Variants in LDLRAD4 observed in about 807,000 individuals in gnomAD.
LDLRAD4 encodes low density lipoprotein receptor class A domain containing 4, also known as low-density lipoprotein receptor class A domain-containing protein 4.
LDLRAD4 carries 5 observed loss-of-function variants against 17.0 expected under a neutral mutation model. That is an observed-to-expected ratio of 0.29 (90% CI 0.15 to 0.62). The LOEUF (loss-of-function observed/expected upper bound fraction) is 0.62, where lower values mean the gene tolerates loss of function less well. LDLRAD4 is among the 20% of genes least tolerant of loss of function. The probability of loss-of-function intolerance (pLI) is 0.84; values close to 1 mark genes in which losing one functional copy is unlikely to be tolerated. For synonymous variants in LDLRAD4, 168 were observed against 171.8 expected (o/e 0.98, Z 0.17); for missense variants, 340 against 424.7 (o/e 0.80, Z 1.75).
intron 3 of LDLRAD4, among the ~76,000 whole-genome samples, chr18:13,564,205 A>AT (rs1381712191): frequency 3.3e-5 from 5 of 152,166 alleles, no homozygotes; most frequent in Non-Finnish European, 7.3e-5. Context: ...AAACTCCCAG[A>AT]TTCTCTCCCT....
At chr18:13,565,539 TCA>T (rs1192332278) in intron 3 of LDLRAD4, among the ~76,000 whole-genome samples, 1 of 152,252 alleles carries the variant, frequency 6.6e-6, no homozygotes, top group Non-Finnish European at 1.5e-5. Context: ...TGAGCCGCCC[TCA>T]CAGCTGGACC....
intron 1 of LDLRAD4, among the ~76,000 whole-genome samples, chr18:13,236,249 A>G (rs2145592272): frequency 6.6e-6 from 1 of 150,606 alleles, no homozygotes; most frequent in East Asian, 2.0e-4. Flanking sequence ...ACAGAGAAGC[A>G]CTGTTCCATC....
intron 1 of LDLRAD4, among the ~76,000 whole-genome samples, chr18:13,264,849 G>A (rs1476437827): frequency 6.6e-6 from 1 of 152,236 alleles, no homozygotes; most frequent in Non-Finnish European, 1.5e-5. Flanking sequence ...TTTCATAAAA[G>A]CGTTTCAAGT....
Position 13,230,090 on chromosome 18 carries a change from C to T in LDLRAD4, c.-467+11102C>T, listed in dbSNP as rs1399345392. ...GGATTAGGTCACGAGGCTTCTCCCTCATGTGTGGGATTAGTGCCTTTATAA... is the reference window on the plus strand; with the variant it reads ...GGATTAGGTCACGAGGCTTCTCCCTTATGTGTGGGATTAGTGCCTTTATAA... On this transcript the variant is annotated intron_variant, in intron 1 of 5. Coordinates refer to the LDLRAD4 transcript ENST00000399848. Among the ~76,000 whole-genome samples, 18 of 152,216 alleles carry T rather than the reference C, an allele frequency of 1.2e-4. 1 individual carries two copies. Among genetic ancestry groups the T allele is most frequent in the Admixed American group, 1.1e-3 (17 of 15,288 alleles).
intron 3 of LDLRAD4, among the ~76,000 whole-genome samples, chr18:13,546,196 A>T (rs1443210353): frequency 6.6e-6 from 1 of 152,004 alleles, no homozygotes; most frequent in Admixed American, 6.5e-5. Flanking sequence ...TTCAGCCTGG[A>T]CCCAATGGCT....
At chr18:13,625,088 C>T (rs562900837) in intron 4 of LDLRAD4, among the ~76,000 whole-genome samples, 13 of 152,334 alleles carry the variant, frequency 8.5e-5, no homozygotes, top group African/African-American at 2.9e-4. Context: ...GATGCTCCTC[C>T]TGTCCCCTCT....
In LDLRAD4 at chr18:13,535,210, G is replaced by A. The variant is rs772561238; in HGVS notation, c.182-85907G>A. Among the ~76,000 whole-genome samples, 29 of 152,140 alleles carry A rather than the reference G, an allele frequency of 1.9e-4. 1 individual carries two copies. Among genetic ancestry groups the A allele is most frequent in the African/African-American group, 7.2e-5 (3 of 41,414 alleles). On this transcript the variant is annotated intron_variant, in intron 3 of 5. Coordinates refer to ENST00000359446, the Ensembl canonical transcript of LDLRAD4. Reference sequence around the variant, plus strand: ...TTAAATACCTGAGAGTTGACTGGCCGGGTTATATGTGTTTAATTTAATGGG... The same window carrying A: ...TTAAATACCTGAGAGTTGACTGGCCAGGTTATATGTGTTTAATTTAATGGG...
At position 13,573,452 on chromosome 18, in the gene LDLRAD4, C is replaced by G. The variant is rs113689652; in HGVS notation, c.182-47665C>G. Among the ~76,000 whole-genome samples the G allele has an allele frequency of 6.2e-3, 890 of 144,340 alleles. 1 individual carries two copies. The highest frequency in any genetic ancestry group is 0.02 in the Middle Eastern group (5 of 250). The allele number at this position is 144,340 out of a possible 152,430, so 94.7% of individuals were successfully genotyped here. A position where few individuals can be genotyped will look rare whatever the true frequency, so the allele number is the denominator to read the frequency against. On this transcript the variant is annotated intron_variant, in intron 3 of 5. Coordinates refer to ENST00000359446, the Ensembl canonical transcript of LDLRAD4. ...ATGAAGTTTTGCCTTGTAGGCCAGG[C>G]TGGTCTCGAACTCCTGGCCTCAGGT...
At chr18:13,286,917 G>T (rs2045656858) in intron 1 of LDLRAD4, among the ~76,000 whole-genome samples, 1 of 152,188 alleles carries the variant, frequency 6.6e-6, no homozygotes. Flanking sequence ...AAGGTGGATT[G>T]CAGAGTGACT....
At chr18:13,382,881 T>C (rs1461415364) in intron 1 of LDLRAD4, among the ~76,000 whole-genome samples, 1 of 152,278 alleles carries the variant, frequency 6.6e-6, no homozygotes, top group Non-Finnish European at 1.5e-5. Flanking sequence ...CTGCCAGTGT[T>C]GGGCGCAGTT....
intron 3 of LDLRAD4, among the ~76,000 whole-genome samples, chr18:13,462,462 G>C (rs2092465933): frequency 6.6e-6 from 1 of 152,174 alleles, no homozygotes; most frequent in Non-Finnish European, 1.5e-5. Context: ...TAGGGGGCTG[G>C]TTTTCAGGAT....
At chr18:13,231,475 G>T (rs1013458215) in intron 1 of LDLRAD4, among the ~76,000 whole-genome samples, 2 of 152,076 alleles carry the variant, frequency 1.3e-5, no homozygotes, top group African/African-American at 2.4e-5. Flanking sequence ...TCCCATCTTT[G>T]TCGAAAACCA....
chr18:13,490,895 C>A (rs1253651545), intron 3 of LDLRAD4, among the ~76,000 whole-genome samples: 5 of 152,200 alleles, frequency 3.3e-5, no homozygotes, highest in Admixed American at 3.3e-4. Context: ...GCTTCTGCAC[C>A]CCCTGTCCCC....
chr18:13,319,998 TG>T (rs2081133145), intron 1 of LDLRAD4, among the ~76,000 whole-genome samples: 1 of 152,202 alleles, frequency 6.6e-6, no homozygotes, highest in Non-Finnish European at 1.5e-5. Flanking sequence ...CAAAAAACTA[TG>T]TGTGGCCTAT....
intron 3 of LDLRAD4, among the ~76,000 whole-genome samples, chr18:13,477,930 C>T (rs1434752487): frequency 2.6e-5 from 4 of 152,146 alleles, no homozygotes; most frequent in Admixed American, 6.5e-5. Context: ...GTCCCGGGCT[C>T]GGATAATGCA....
chr18:13,288,473 C>CT (rs1194037307), intron 1 of LDLRAD4, among the ~76,000 whole-genome samples: 6 of 152,182 alleles, frequency 3.9e-5, no homozygotes, highest in African/African-American at 1.4e-4. Context: ...ACAACTTTGG[C>CT]TATTTCAAGT....
intron 3 of LDLRAD4, among the ~76,000 whole-genome samples, chr18:13,456,709 TA>T (rs1437778399): frequency 1.3e-5 from 2 of 152,258 alleles, no homozygotes; most frequent in Non-Finnish European, 2.9e-5. Context: ...GTTTGCTTTT[TA>T]AAAGGGTATT....
At position 13,645,612 on chromosome 18, in the gene LDLRAD4, A is replaced by G. The variant is rs1183948577; in HGVS notation, c.876A>G (p.Ile292Met). ...AGCAGAACAATGCAGAGAGCACAATAGTACCCATCAAAGGCAAAGATAGGA... is the reference window on the plus strand; with the variant it reads ...AGCAGAACAATGCAGAGAGCACAATGGTACCCATCAAAGGCAAAGATAGGA... Residue 292 changes from isoleucine (I) to methionine (M), a missense_variant, in exon 6 of 6, where the codon ATA (isoleucine) becomes ATG (methionine). Ile to Met is a conservative substitution (Grantham distance 10). Coordinates refer to ENST00000359446, the Ensembl canonical transcript of LDLRAD4. The surrounding 1 kb of genome is among the most constrained non-coding windows in gnomAD (Gnocchi z 5.7). 3 of 1,532,532 alleles carry G rather than the reference A, an allele frequency of 2.0e-6. No individual in the cohort carries two copies. Among genetic ancestry groups the G allele is most frequent in the Non-Finnish European group, 2.6e-6 (3 of 1,140,246 alleles). 94.9% of individuals were successfully genotyped at this position (1,532,532 alleles called of 1,614,324 possible). A position where few individuals can be genotyped will look rare whatever the true frequency, so the allele number is the denominator to read the frequency against.
intron 2 of LDLRAD4, among the ~76,000 whole-genome samples, chr18:13,430,452 G>A (rs1328077077): frequency 6.6e-6 from 1 of 152,190 alleles, no homozygotes. Context: ...ATTGAGAGCT[G>A]TGAATGGGCC....
Sources: allele counts gnomAD v4.1 joint callset (sites outside exome capture counted in the v4.1 genomes callset), GRCh38; gene constraint gnomAD v4.1.1; non-coding constraint Gnocchi (gnomAD v3.1); transcripts MANE v1.5; gene names NCBI Gene and HGNC (gene_info 2026-07-23, HGNC 2026-07-21).